The following SLC25A21 variants were observed in gnomAD, a reference collection of about 807,000 sequenced individuals.
SLC25A21 encodes the protein mitochondrial 2-oxodicarboxylate carrier.
In SLC25A21, 47 loss-of-function variants were observed where a neutral mutation model predicts 43.8. The observed-to-expected ratio is 1.07, with a 90% CI of 0.85 to 1.37. The LOEUF is 1.37. Among genes scored for constraint, SLC25A21 ranks in the 40% most tolerant of loss-of-function variants. The pLI, the probability that SLC25A21 is intolerant of heterozygous loss-of-function variation, is 0.00. For synonymous variants in SLC25A21, 131 were observed against 121.3 expected (o/e 1.08, Z -0.52); for missense variants, 352 against 350.2 (o/e 1.00, Z -0.04).
At chr14:36,708,515 G>C (rs966621404) in intron 7 of SLC25A21, among the ~76,000 whole-genome samples, 3 of 152,080 alleles carry the variant, frequency 2.0e-5, no homozygotes, top group Non-Finnish European at 4.4e-5. Context: ...ATGGTTCACT[G>C]CAGTCTTGCC....
chr14:36,884,310 A>C (rs2138572685), intron 1 of SLC25A21, among the ~76,000 whole-genome samples: 1 of 152,302 alleles, frequency 6.6e-6, no homozygotes, highest in South Asian at 2.1e-4. Context: ...CACAAATGAC[A>C]GGATTTCCTT....
chr14:36,786,623 CCTTT>C (rs935492908), intron 3 of SLC25A21, among the ~76,000 whole-genome samples: 3 of 152,310 alleles, frequency 2.0e-5, no homozygotes, highest in South Asian at 2.1e-4. Flanking sequence ...CAAGGCTCTT[CCTTT>C]GAGTCCTGAA....
intron 6 of SLC25A21, among the ~76,000 whole-genome samples, chr14:36,712,153 C>T (rs1248756541): frequency 6.6e-6 from 1 of 152,120 alleles, no homozygotes; most frequent in East Asian, 1.9e-4. Context: ...GCTGAAATGT[C>T]CTGACTGCTA....
chr14:36,974,798 T>G (rs868349708), intron 1 of SLC25A21, among the ~76,000 whole-genome samples: 10 of 152,114 alleles, frequency 6.6e-5, no homozygotes, highest in Non-Finnish European at 1.2e-4. Flanking sequence ...ATACAAAAAA[T>G]TCATCCAGAG....
At chr14:36,983,533 C>G (rs1960077149) in intron 1 of SLC25A21, among the ~76,000 whole-genome samples, 2 of 152,180 alleles carry the variant, frequency 1.3e-5, no homozygotes, top group Non-Finnish European at 1.5e-5. Context: ...TTACACAATG[C>G]TGGTGAAAAT....
intron 9 of SLC25A21, among the ~76,000 whole-genome samples, chr14:36,683,039 T>G (rs547405358): frequency 2.0e-5 from 3 of 152,198 alleles, no homozygotes; most frequent in South Asian, 2.1e-4. Context: ...TAGGAGAAGG[T>G]TCTAGGAAAT....
intron 2 of SLC25A21, among the ~76,000 whole-genome samples, chr14:36,829,553 T>C (rs1198987626): frequency 6.6e-6 from 1 of 152,112 alleles, no homozygotes; most frequent in African/African-American, 2.4e-5. Flanking sequence ...TTCCTTGTGG[T>C]TTTCTTTCAC....
chr14:36,702,493 A>AAAAG (rs1555320689), intron 7 of SLC25A21, among the ~76,000 whole-genome samples: 30 of 150,174 alleles, frequency 2.0e-4, no homozygotes, highest in East Asian at 6.0e-4. Context: ...AAAAAAAAAA[A>AAAAG]AAAGAAAGAA....
intron 1 of SLC25A21, among the ~76,000 whole-genome samples, chr14:37,111,101 T>C (rs1963011700): frequency 6.6e-6 from 1 of 152,208 alleles, no homozygotes; most frequent in Non-Finnish European, 1.5e-5. Context: ...CTCAATGTTT[T>C]CTTATAAAGT....
chr14:36,880,500 C>G (rs953943640), intron 1 of SLC25A21, among the ~76,000 whole-genome samples: 1 of 152,162 alleles, frequency 6.6e-6, no homozygotes, highest in Non-Finnish European at 1.5e-5. Context: ...AGAAGCTCCA[C>G]GAGGACAGAG....
chr14:36,724,093 C>A (rs10142400), intron 6 of SLC25A21, among the ~76,000 whole-genome samples: 1 of 152,064 alleles, frequency 6.6e-6, no homozygotes, highest in Non-Finnish European at 1.5e-5. Flanking sequence ...TCCCCCTGTT[C>A]CGCACCATCT....
chr14:36,879,270 A>G (rs1156948439), intron 1 of SLC25A21, among the ~76,000 whole-genome samples: 2 of 152,214 alleles, frequency 1.3e-5, no homozygotes, highest in Non-Finnish European at 2.9e-5. Flanking sequence ...AACATACTAC[A>G]TTTCAGAAAG....
chr14:37,059,869 A>G (rs1467929000), intron 1 of SLC25A21, among the ~76,000 whole-genome samples: 3 of 152,200 alleles, frequency 2.0e-5, no homozygotes, highest in Non-Finnish European at 2.9e-5. Flanking sequence ...CCTGGAAACA[A>G]CTAACAAGCT....
intron 4 of SLC25A21, 97 bp downstream of exon 4, chr14:36,734,410 C>A: frequency 2.8e-6 from 2 of 705,834 alleles, no homozygotes; most frequent in South Asian, 2.9e-5. Context: ...ATTTTTAGTG[C>A]TTTATATATA....
At chr14:36,966,554 T>C (rs1374361051) in intron 1 of SLC25A21, among the ~76,000 whole-genome samples, 1 of 152,168 alleles carries the variant, frequency 6.6e-6, no homozygotes, top group Non-Finnish European at 1.5e-5. Context: ...AGACCATCCC[T>C]GATTTTCTAA....
intron 1 of SLC25A21, among the ~76,000 whole-genome samples, chr14:36,885,978 T>C (rs1193993964): frequency 6.6e-6 from 1 of 152,216 alleles, no homozygotes; most frequent in Non-Finnish European, 1.5e-5. Context: ...ACTGATTTTG[T>C]GTAATATTCT....
intron 1 of SLC25A21, among the ~76,000 whole-genome samples, chr14:37,144,204 C>A (rs1478538646): frequency 6.6e-6 from 1 of 152,096 alleles, no homozygotes; most frequent in Non-Finnish European, 1.5e-5. Context: ...CAGTAGTTGT[C>A]AATTAGGTGG....
chr14:36,850,123 G>C (rs1889678334), intron 2 of SLC25A21, among the ~76,000 whole-genome samples: 2 of 152,142 alleles, frequency 1.3e-5, no homozygotes, highest in Admixed American at 1.3e-4. Flanking sequence ...CAGAGGAAGA[G>C]ATGTATAAAG....
intron 1 of SLC25A21, among the ~76,000 whole-genome samples, chr14:37,104,830 C>T (rs1962882504): frequency 6.6e-6 from 1 of 152,220 alleles, no homozygotes; most frequent in Non-Finnish European, 1.5e-5. Context: ...CTTCCACTTA[C>T]TCCTAATGTT....
Sources: gnomAD v4.1 joint callset for allele counts (sites outside exome capture counted in the v4.1 genomes callset) on GRCh38, gnomAD v4.1.1 for gene constraint, MANE v1.5 for transcripts, NCBI Gene and HGNC (gene_info 2026-07-23, HGNC 2026-07-21) for gene names.